KNTC1: variants seen among roughly 807,000 people sequenced by gnomAD.
KNTC1 encodes kinetochore-associated protein 1.
Under a neutral mutation model 314.4 loss-of-function variants are expected in KNTC1, and 253 were observed. The observed-to-expected ratio is 0.80, with a 90% CI of 0.73 to 0.89. The LOEUF (loss-of-function observed/expected upper bound fraction) is 0.89. KNTC1 is among the 40% of genes least tolerant of loss of function. The probability of loss-of-function intolerance (pLI) is 0.00; values close to 1 mark genes in which losing one functional copy is unlikely to be tolerated. For synonymous variants in KNTC1, 901 were observed against 901.4 expected, an observed-to-expected ratio of 1.00 and a Z score of 0.01; for missense variants, 2,475 against 2,572.9, an observed-to-expected ratio of 0.96 and a Z score of 0.82.
chr12:122,604,781 G>A lies in KNTC1; in HGVS notation c.5176-96G>A. On this transcript the variant is annotated intron_variant, in intron 49 of 63. Transcript: ENST00000333479. ...GTAGATGCTTAGGAACATAACTGAG[G>A]AAGGGGGGAGGGATTGTGATTGATA... 3.8e-6 allele frequency: 5 copies of A among 1,309,308 alleles called. No homozygotes were observed. The Admixed American group carries it at 6.1e-5, about 16-fold the overall frequency. The allele number at this position is 1,309,308 out of a possible 1,614,324, so 81.1% of individuals were successfully genotyped here. A position where few individuals can be genotyped will look rare whatever the true frequency, so the allele number is the denominator to read the frequency against.
chr12:122,532,972 G>C (rs577451873), intron 2 of KNTC1, among the ~76,000 whole-genome samples: 1 of 152,184 alleles, frequency 6.6e-6, no homozygotes, highest in Non-Finnish European at 1.5e-5. Context: ...CAGCTACTCA[G>C]GCTGAGGCAG....
At chr12:122,581,014 C>T (rs1227541824) in intron 33 of KNTC1, among the ~76,000 whole-genome samples, 8 of 133,832 alleles carry the variant, frequency 6.0e-5, no homozygotes, top group Non-Finnish European at 9.3e-5. Flanking sequence ...GGTGACAGAT[C>T]GAGACTCCAT....
At chr12:122,549,688 T>C (rs1405620719) in intron 12 of KNTC1, 78 bp from the exon 13 acceptor site, 1 of 755,480 alleles carries the variant, frequency 1.3e-6, no homozygotes, top group Non-Finnish European at 2.3e-6. Context: ...TTTAATCTGC[T>C]CTTAATTGTG....
chr12:122,605,174 A>G, intron 50 of KNTC1, 87 bp downstream of exon 50: 1 of 1,214,842 alleles, frequency 8.2e-7, no homozygotes, highest in Non-Finnish European at 1.2e-6. Flanking sequence ...GTACATATAT[A>G]TTACTTACAT....
At chr12:122,585,329 A>T (rs1869095525) in intron 36 of KNTC1, among the ~76,000 whole-genome samples, 1 of 152,162 alleles carries the variant, frequency 6.6e-6, no homozygotes, top group Non-Finnish European at 1.5e-5. Context: ...GGCATGAGCC[A>T]CTGCACCTGG....
chr12:122,622,705 T>C (rs1874573418), intron 62 of KNTC1, 98 bp downstream of exon 62: 1 of 1,019,834 alleles, frequency 9.8e-7, no homozygotes, highest in African/African-American at 1.6e-5. Flanking sequence ...TCCTAGCACT[T>C]TGGGAAGCTG....
At chr12:122,617,495 A>C (rs1873895704) in intron 57 of KNTC1, 1 of 383,288 alleles carries the variant, frequency 2.6e-6, no homozygotes, top group Non-Finnish European at 5.3e-6. Context: ...AAGTACTGGG[A>C]TTACAGGTGT....
intron 51 of KNTC1, among the ~76,000 whole-genome samples, chr12:122,606,923 T>C (rs903732192): frequency 6.6e-6 from 1 of 152,212 alleles, no homozygotes; most frequent in Non-Finnish European, 1.5e-5. Context: ...ATCAGAAATT[T>C]AATGGTGATA....
chr12:122,621,050 G>T (rs1874376792), intron 60 of KNTC1, among the ~76,000 whole-genome samples: 2 of 152,184 alleles, frequency 1.3e-5, no homozygotes, highest in South Asian at 4.1e-4. Context: ...AAGTACCCAT[G>T]ATAGGGTCTG....
chr12:122,554,076 A>AT (rs1555224817), intron 16 of KNTC1, among the ~76,000 whole-genome samples: 12,785 of 108,794 alleles, frequency 0.12, 883 homozygotes, highest in South Asian at 0.23. Context: ...AAAAAAAAAA[A>AT]ATATATATAT....
At chr12:122,559,670 T>TG (rs930994429) in intron 18 of KNTC1, among the ~76,000 whole-genome samples, 1 of 152,078 alleles carries the variant, frequency 6.6e-6, no homozygotes, top group African/African-American at 2.4e-5. Context: ...CCTCCTGGGT[T>TG]CAAGTGATTC....
Position 122,543,603 on chromosome 12 carries a change from T to C in KNTC1, c.527T>C (p.Ile176Thr). Reference sequence around the variant, plus strand: ...CCTGCTTTCTTTTTTAATGCAGCAATTGAGAATGTAGACTTCAGTACAGCA... The same window carrying C: ...CCTGCTTTCTTTTTTAATGCAGCAACTGAGAATGTAGACTTCAGTACAGCA... ...NLQLLKIQQAIENVDFSTAKK... is the reference protein window; with the variant it reads ...NLQLLKIQQATENVDFSTAKK... The change falls in exon 7 of 64, where the codon ATT becomes ACT. Residue 176 changes from isoleucine to threonine, a missense_variant. Ile to Thr is a moderately conservative substitution (Grantham distance 89). Transcript: ENST00000333479. The C allele has an allele frequency of 5.1e-6, 8 of 1,560,664 alleles. No individual in the cohort carries two copies. Among genetic ancestry groups the C allele is most frequent in the Non-Finnish European group, 7.0e-6 (8 of 1,150,088 alleles).
At chr12:122,533,708 A>G (rs979007002) in intron 2 of KNTC1, among the ~76,000 whole-genome samples, 1 of 152,168 alleles carries the variant, frequency 6.6e-6, no homozygotes, top group African/African-American at 2.4e-5. Flanking sequence ...AAATAAAGAA[A>G]AAAATAAGGT....
At position 122,591,325 on chromosome 12, in the gene KNTC1, T is replaced by C. The variant is rs778968010; in HGVS notation, c.4129-12T>C. The stretch of plus-strand genomic sequence containing the variant: ...CTTACGATTGAACTTTAATTCTCTT[T>C]TAATTTTTTAGGCAATATCTCTGGT... On this transcript the variant is annotated splice_polypyrimidine_tract_variant and intron_variant, in intron 41 of 63. Transcript: ENST00000333479. 3 of 1,406,698 alleles carry C rather than the reference T, an allele frequency of 2.1e-6. No homozygotes were observed. Among genetic ancestry groups the C allele is most frequent in the Non-Finnish European group, 3.0e-6 (3 of 991,134 alleles). 87.1% of individuals were successfully genotyped at this position (1,406,698 alleles called of 1,614,324 possible).
intron 3 of KNTC1, among the ~76,000 whole-genome samples, chr12:122,535,376 C>G (rs1961709289): frequency 6.6e-6 from 1 of 152,056 alleles, no homozygotes; most frequent in African/African-American, 2.4e-5. Flanking sequence ...ATACAAAAAT[C>G]ACACCTGTAA....
rs1433228976 is a variant in KNTC1, at chr12:122,600,115, TTTGAGATGAAATCTCACCCTG to T, written c.4564-1417_4564-1397del. Among the ~76,000 whole-genome samples the T allele has an allele frequency of 2.0e-5, 3 of 152,280 alleles. No homozygotes were observed. The East Asian group carries it at 5.8e-4, about 29-fold the overall frequency. On this transcript the variant is annotated intron_variant, in intron 44 of 63. Coordinates refer to ENST00000333479, the MANE Select transcript of KNTC1 (RefSeq NM_014708.6). ...TTTTTGTTTTTGTTGTTGTTGTTGT[TTTGAGATGAAATCTCACCCTG>T]TTGTCCAGGCTGGAGTGTAATGGCA... is the stretch of plus-strand genomic sequence containing the variant.
intron 33 of KNTC1, among the ~76,000 whole-genome samples, chr12:122,582,400 G>A (rs1416966765): frequency 6.6e-6 from 1 of 152,130 alleles, no homozygotes; most frequent in Non-Finnish European, 1.5e-5. Context: ...CTGGGCAACA[G>A]AGTGAAACCC....
At chr12:122,564,720 C>T (rs1964190264) in intron 20 of KNTC1, among the ~76,000 whole-genome samples, 1 of 152,194 alleles carries the variant, frequency 6.6e-6, no homozygotes, top group Non-Finnish European at 1.5e-5. Context: ...GATCTGCCTG[C>T]CTCGGCCTCC....
intron 4 of KNTC1, among the ~76,000 whole-genome samples, chr12:122,539,058 C>T (rs1962075729): frequency 6.6e-6 from 1 of 152,196 alleles, no homozygotes; most frequent in South Asian, 2.1e-4. Flanking sequence ...GGAAGATGGT[C>T]AGGTTTTTAT....
Sources: gnomAD v4.1 joint callset for allele counts (sites outside exome capture counted in the v4.1 genomes callset) on GRCh38, gnomAD v4.1.1 for gene constraint, MANE v1.5 for transcripts, NCBI Gene and HGNC (gene_info 2026-07-23, HGNC 2026-07-21) for gene names.